Variants in PRKCA observed in about 807,000 individuals in gnomAD.
PRKCA encodes protein kinase C alpha, also known as protein kinase C alpha type.
Under a neutral mutation model 87.0 loss-of-function variants are expected in PRKCA, and 27 were observed. The ratio of observed to expected loss-of-function variants is 0.31; its 90% CI spans 0.23 to 0.43. The LOEUF is 0.43. PRKCA is among the 20% of genes least tolerant of loss of function. PRKCA has a pLI of 1.00. For synonymous variants in PRKCA, 329 were observed against 311.1 expected, an observed-to-expected ratio of 1.06 and a Z score of -0.61; for missense variants, 518 against 852.3, an observed-to-expected ratio of 0.61 and a Z score of 4.88.
At chr17:66,580,696 C>T (rs1306989086) in intron 3 of PRKCA, among the ~76,000 whole-genome samples, 1 of 152,144 alleles carries the variant, frequency 6.6e-6, no homozygotes, top group African/African-American at 2.4e-5. Context: ...GGGTTTTCGC[C>T]AACTAAACAC....
rs78437287 is a variant in PRKCA at position 66,650,183 on chromosome 17, C to G, written c.529+4672C>G. Among the ~76,000 whole-genome samples the G allele has an allele frequency of 2.4e-3, 370 of 152,304 alleles. 10 individuals are homozygous for G. The East Asian group carries it at 0.064, about 26-fold the overall frequency. Reference sequence around the variant, plus strand: ...AGGTTGAAGATAATTCCCAAAGTAACGTAGAAACTCCCGACAGGAGCTCTG... The same window carrying G: ...AGGTTGAAGATAATTCCCAAAGTAAGGTAGAAACTCCCGACAGGAGCTCTG... On this transcript the variant is annotated intron_variant, in intron 5 of 16. Coordinates refer to ENST00000413366, the MANE Select transcript of PRKCA (RefSeq NM_002737.3).
intron 2 of PRKCA, among the ~76,000 whole-genome samples, chr17:66,405,677 A>C (rs1020380075): frequency 6.6e-6 from 1 of 152,230 alleles, no homozygotes; most frequent in Non-Finnish European, 1.5e-5. Flanking sequence ...TGTTTCTCTA[A>C]GGGTTTATAA....
intron 16 of PRKCA, among the ~76,000 whole-genome samples, chr17:66,793,590 CAAAAAAAAAA>C (rs1168440797): frequency 1.9e-5 from 1 of 51,572 alleles, no homozygotes; most frequent in Admixed American, 2.5e-4. Flanking sequence ...AACTCCGTCT[CAAAAAAAAAA>C]AAAAAAAAAA....
chr17:66,337,531 C>T (rs113463478), intron 2 of PRKCA, among the ~76,000 whole-genome samples: 5,424 of 151,990 alleles, frequency 0.036, 117 homozygotes, highest in African/African-American at 0.07. Context: ...CTGAGACTAC[C>T]GGTGGTTGCC....
At chr17:66,485,504 G>A (rs1043718034) in intron 2 of PRKCA, among the ~76,000 whole-genome samples, 1 of 152,184 alleles carries the variant, frequency 6.6e-6, no homozygotes, top group Non-Finnish European at 1.5e-5. Flanking sequence ...CATTACGTGA[G>A]AATCGAAGCC....
At chr17:66,587,622 A>G (rs1268103074) in intron 3 of PRKCA, among the ~76,000 whole-genome samples, 4 of 150,718 alleles carry the variant, frequency 2.7e-5, no homozygotes, top group African/African-American at 4.9e-5. Flanking sequence ...GATTAGATAG[A>G]TATAGATATA....
chr17:66,631,841 G>C (rs992475262), intron 3 of PRKCA, among the ~76,000 whole-genome samples: 1 of 152,076 alleles, frequency 6.6e-6, no homozygotes, highest in Non-Finnish European at 1.5e-5. Context: ...ACTCACAAAA[G>C]TTAAAAATAA....
At chr17:66,366,592 G>A (rs914973610) in intron 2 of PRKCA, among the ~76,000 whole-genome samples, 8 of 152,066 alleles carry the variant, frequency 5.3e-5, no homozygotes, top group Admixed American at 5.2e-4. Context: ...TTAAATAATA[G>A]CAGTGAGTTT....
chr17:66,758,997 G>A (rs1974618510), intron 13 of PRKCA, among the ~76,000 whole-genome samples: 1 of 152,152 alleles, frequency 6.6e-6, no homozygotes, highest in South Asian at 2.1e-4. Context: ...TAAGAGGGAA[G>A]AATTAGGATT....
chr17:66,656,932 G>GTA (rs1010124043), intron 5 of PRKCA, among the ~76,000 whole-genome samples: 30 of 152,122 alleles, frequency 2.0e-4, no homozygotes, highest in Admixed American at 6.5e-4. Flanking sequence ...CAAAAAATAT[G>GTA]TATATATATA....
chr17:66,359,144 C>A (rs1260078114), intron 2 of PRKCA, among the ~76,000 whole-genome samples: 2 of 151,892 alleles, frequency 1.3e-5, no homozygotes, highest in Non-Finnish European at 2.9e-5. Flanking sequence ...TTGTGATTCC[C>A]AGAGCAAATT....
At chr17:66,485,320 C>T (rs999617952) in intron 2 of PRKCA, among the ~76,000 whole-genome samples, 2 of 152,164 alleles carry the variant, frequency 1.3e-5, no homozygotes, top group Non-Finnish European at 2.9e-5. Flanking sequence ...TAAAAAGATC[C>T]TGAAAGGTAC....
At chr17:66,595,440 C>A (rs1173072398) in intron 3 of PRKCA, among the ~76,000 whole-genome samples, 1 of 146,510 alleles carries the variant, frequency 6.8e-6, no homozygotes, top group Non-Finnish European at 1.5e-5. Context: ...TTTGCAAAAA[C>A]TCTATTTTAT....
At chr17:66,794,622 T>C (rs113322122) in intron 16 of PRKCA, among the ~76,000 whole-genome samples, 22 of 146,026 alleles carry the variant, frequency 1.5e-4, no homozygotes, top group African/African-American at 3.0e-4. Flanking sequence ...GGGGGGTTTT[T>C]TGTTTTTTTT....
In PRKCA at chr17:66,804,353, T is replaced by G. The variant is rs1305149858; in HGVS notation, c.*316T>G. 4.5e-6 allele frequency: 1 copy of G among 224,056 alleles called. No individual in the cohort carries two copies. Among genetic ancestry groups the G allele is most frequent in the African/African-American group, 2.3e-5 (1 of 43,906 alleles). 13.9% of individuals were successfully genotyped at this position (224,056 alleles called of 1,614,324 possible). ...GCCCCATTTTGGGTACAATTTGATA[T>G]ACTTTCCATACCCTCCATCTGTGGA... On this transcript the variant is annotated 3_prime_UTR_variant, in exon 17 of 17. Transcript: ENST00000413366.
At chr17:66,614,906 C>G (rs746543099) in intron 3 of PRKCA, among the ~76,000 whole-genome samples, 1 of 152,116 alleles carries the variant, frequency 6.6e-6, no homozygotes, top group Non-Finnish European at 1.5e-5. Context: ...TACAAAAATT[C>G]CAAATAACAG....
At chr17:66,531,966 G>A (rs1967558010) in intron 3 of PRKCA, among the ~76,000 whole-genome samples, 1 of 152,144 alleles carries the variant, frequency 6.6e-6, no homozygotes, top group Non-Finnish European at 1.5e-5. Context: ...CTAGGCTGAG[G>A]AGCTAAGCTG....
chr17:66,741,577 T>C (rs774994473), intron 11 of PRKCA, 82 bp from the exon 12 acceptor site: 17 of 1,470,354 alleles, frequency 1.2e-5, no homozygotes, highest in Non-Finnish European at 1.6e-5. Flanking sequence ...TTTTCTCTCT[T>C]TGATGCTTGA....
At chr17:66,773,383 CTA>C (rs2144334655) in intron 13 of PRKCA, among the ~76,000 whole-genome samples, 1 of 151,982 alleles carries the variant, frequency 6.6e-6, no homozygotes, top group East Asian at 1.9e-4. Context: ...CACAAGAAAA[CTA>C]TAATGTTTCC....
Sources: allele counts gnomAD v4.1 joint callset (sites outside exome capture counted in the v4.1 genomes callset), GRCh38; gene constraint gnomAD v4.1.1; transcripts MANE v1.5; gene names NCBI Gene and HGNC (gene_info 2026-07-23, HGNC 2026-07-21).